Variants in CCDC40 observed in about 807,000 individuals in gnomAD.
CCDC40 encodes coiled-coil domain-containing protein 40.
In CCDC40, 104 loss-of-function variants were observed where a neutral mutation model predicts 124.5. The ratio of observed to expected loss-of-function variants is 0.84; its 90% CI spans 0.71 to 0.98. The LOEUF (loss-of-function observed/expected upper bound fraction) is 0.98, where lower values mean the gene tolerates loss of function less well. Among genes scored for constraint, CCDC40 ranks in the 50% least tolerant of loss-of-function variants. The pLI, the probability that CCDC40 is intolerant of heterozygous loss-of-function variation, is 0.00. For missense variants in CCDC40, 1,463 were observed against 1,503.9 expected, an observed-to-expected ratio of 0.97 and a Z score of 0.45; for synonymous variants, 580 against 602.9, an observed-to-expected ratio of 0.96 and a Z score of 0.56.
intron 10 of CCDC40, among the ~76,000 whole-genome samples, chr17:80,080,434 C>T (rs1056577490): frequency 1.3e-4 from 20 of 152,130 alleles, no homozygotes; most frequent in African/African-American, 4.6e-4. Flanking sequence ...TCTGATTATC[C>T]GATATCTGTG....
Position 80,047,461 on chromosome 17 carries a change from T to C in CCDC40, c.676+59T>C, listed in dbSNP as rs7212643. 390,470 of 1,564,324 alleles carry C rather than the reference T, an allele frequency of 0.25. 55,353 individuals are homozygous for C. Among genetic ancestry groups the C allele is most frequent in the African/African-American group, 0.63 (46,664 of 74,008 alleles). ...GCGATGAGCCACCTGCACAGGCCCT[T>C]CTGTGCAAGGGATGCCACTCGTTTG... On this transcript the variant is annotated intron_variant, in intron 4 of 19. Coordinates refer to ENST00000397545, the MANE Select transcript of CCDC40 (RefSeq NM_017950.4).
intron 16 of CCDC40, among the ~76,000 whole-genome samples, chr17:80,088,795 A>G (rs944569678): frequency 1.1e-4 from 17 of 152,192 alleles, no homozygotes; most frequent in African/African-American, 4.1e-4. Flanking sequence ...CGACAGAGCG[A>G]GACCCTGTCT....
chr17:80,059,861 A>G (rs748440561), intron 9 of CCDC40, among the ~76,000 whole-genome samples: 11 of 152,174 alleles, frequency 7.2e-5, no homozygotes, highest in Admixed American at 1.3e-4. Context: ...TGCCCAGCCA[A>G]TGAAAAAGAA....
At chr17:80,054,396 G>C (rs1002945080) in intron 7 of CCDC40, among the ~76,000 whole-genome samples, 9 of 152,116 alleles carry the variant, frequency 5.9e-5, no homozygotes, top group African/African-American at 2.2e-4. Context: ...GTTATGGAAG[G>C]CTTCTAGTAA....
chr17:80,085,711 G>T (rs559776537), intron 13 of CCDC40, among the ~76,000 whole-genome samples: 116 of 129,672 alleles, frequency 8.9e-4, no homozygotes, highest in Admixed American at 5.6e-3. Context: ...TTGCTCTATT[G>T]CCCAGGCTGG....
At chr17:80,076,774 C>A (rs559198594) in intron 10 of CCDC40, among the ~76,000 whole-genome samples, 1 of 151,352 alleles carries the variant, frequency 6.6e-6, no homozygotes, top group Non-Finnish European at 1.5e-5. Context: ...AAAATAGAGT[C>A]TCATTCCATT....
chr17:80,087,743 G>A lies in CCDC40; in HGVS notation c.2586G>A (p.Arg862=), dbSNP rs1378861323. 9 of 1,614,170 alleles carry A rather than the reference G, an allele frequency of 5.6e-6. No individual in the cohort carries two copies. The highest frequency in any genetic ancestry group is 1.3e-5 in the African/African-American group (1 of 75,056). ...CGGAGGAGCTGGAGCAGAACAACCGGGTGACAGAGAATGAGTTCGTGCGCT... is the reference window on the plus strand; with the variant it reads ...CGGAGGAGCTGGAGCAGAACAACCGAGTGACAGAGAATGAGTTCGTGCGCT... The part of the protein sequence containing the change: ...CSSEELEQNN[R]VTENEFVRSL... Residue 862 remains arginine, a synonymous_variant, in exon 15 of 20, where the codon CGG becomes CGA. Transcript: ENST00000397545. This position sits in a 1 kb window ranked among gnomAD's most constrained non-coding sequence, Gnocchi z 4.5.
intron 18 of CCDC40, among the ~76,000 whole-genome samples, chr17:80,095,819 C>T (rs1215471835): frequency 1.3e-5 from 2 of 152,238 alleles, no homozygotes; most frequent in Admixed American, 1.3e-4. Flanking sequence ...CCCTGCATAT[C>T]GGAGGTGGCA....
intron 10 of CCDC40, among the ~76,000 whole-genome samples, chr17:80,079,657 C>T (rs1249167573): frequency 6.6e-6 from 1 of 151,950 alleles, no homozygotes; most frequent in African/African-American, 2.4e-5. Context: ...CACGGTGGCT[C>T]ATGCCTGTAA....
chr17:80,096,245 G>C (rs2038808120), intron 18 of CCDC40, among the ~76,000 whole-genome samples: 1 of 152,160 alleles, frequency 6.6e-6, no homozygotes, highest in African/African-American at 2.4e-5. Flanking sequence ...ATTCCTGACT[G>C]GGGCATACGG....
intron 19 of CCDC40, chr17:80,097,639 G>A (rs971231002): frequency 2.6e-5 from 15 of 568,858 alleles, no homozygotes; most frequent in South Asian, 8.4e-5. Flanking sequence ...TTCAGCGTGC[G>A]AGGGTTACAA....
intron 18 of CCDC40, among the ~76,000 whole-genome samples, chr17:80,096,748 C>G (rs1274291847): frequency 6.6e-6 from 1 of 152,246 alleles, no homozygotes; most frequent in Non-Finnish European, 1.5e-5. Flanking sequence ...TGCATCACCC[C>G]CTGGACCATG....
At chr17:80,050,340 G>T in intron 7 of CCDC40, 57 bp downstream of exon 7, 2 of 1,380,038 alleles carry the variant, frequency 1.4e-6, no homozygotes, top group East Asian at 5.0e-5. Flanking sequence ...TCCCAGGGGT[G>T]TCTCCATGTA....
At chr17:80,047,900 C>T (rs2037471173) in intron 4 of CCDC40, among the ~76,000 whole-genome samples, 1 of 152,158 alleles carries the variant, frequency 6.6e-6, no homozygotes, top group South Asian at 2.1e-4. Context: ...GTTGCAAATT[C>T]CCTGTGGTAC....
chr17:80,081,835 GC>G, intron 11 of CCDC40, 40 bp from the exon 12 acceptor site: 3 of 1,613,908 alleles, frequency 1.9e-6, no homozygotes, highest in Non-Finnish European at 2.5e-6. Flanking sequence ...GCACGGTGGT[GC>G]CTCTTCAGGC....
At chr17:80,090,019 G>A (rs1254788784) in intron 17 of CCDC40, 135 bp downstream of exon 17, 2 of 1,538,904 alleles carry the variant, frequency 1.3e-6, no homozygotes, top group African/African-American at 2.7e-5. Context: ...TGGTGGCAAT[G>A]GGTGAGATTT....
At chr17:80,037,777 C>A (rs896403941) in intron 1 of CCDC40, among the ~76,000 whole-genome samples, 1 of 147,652 alleles carries the variant, frequency 6.8e-6, no homozygotes. Context: ...TTACTCTGAT[C>A]GCGCTACTTT....
chr17:80,069,842 A>C (rs1376712543), intron 10 of CCDC40, among the ~76,000 whole-genome samples: 1 of 152,216 alleles, frequency 6.6e-6, no homozygotes, highest in African/African-American at 2.4e-5. Context: ...AAGAAAACTG[A>C]GGGCTTGCCC....
Position 80,087,080 on chromosome 17 carries a change from C to A in CCDC40, c.2450-527C>A, listed in dbSNP as rs867240366. ...CACACCATGGGGACAGCAGGAGGAG[C>A]TGGAGAAGCCCTGTGAGGAGTGGCC... is the stretch of plus-strand genomic sequence containing the variant. On this transcript the variant is annotated intron_variant, in intron 14 of 19. Coordinates refer to ENST00000397545, the MANE Select transcript of CCDC40 (RefSeq NM_017950.4). This position sits in a 1 kb window ranked among gnomAD's most constrained non-coding sequence, Gnocchi z 4.5. 34 of 209,028 alleles carry A rather than the reference C, an allele frequency of 1.6e-4. No homozygotes were observed. In the Middle Eastern group the frequency reaches 0.01, roughly 62 times the overall value. 12.9% of individuals were successfully genotyped at this position (209,028 alleles called of 1,614,324 possible).
Sources: allele counts gnomAD v4.1 joint callset (sites outside exome capture counted in the v4.1 genomes callset), GRCh38; gene constraint gnomAD v4.1.1; non-coding constraint Gnocchi (gnomAD v3.1); transcripts MANE v1.5; gene names NCBI Gene and HGNC (gene_info 2026-07-23, HGNC 2026-07-21).